The following PARD3B variants were observed in gnomAD, a reference collection of about 807,000 sequenced individuals.
PARD3B encodes par-3 family cell polarity regulator beta, also known as partitioning defective 3 homolog B.
PARD3B carries 103 observed loss-of-function variants against 130.2 expected under a neutral mutation model. The observed-to-expected ratio is 0.79, with a 90% confidence interval of 0.67 to 0.93. PARD3B has a LOEUF of 0.93. PARD3B is among the 40% of genes least tolerant of loss of function. PARD3B has a pLI of 0.00. For missense variants in PARD3B, 1,609 were observed against 1,499.2 expected, an observed-to-expected ratio of 1.07 and a Z score of -1.21; for synonymous variants, 583 against 553.2, an observed-to-expected ratio of 1.05 and a Z score of -0.76.
rs114435053 is a variant in PARD3B at position 205,320,931 on chromosome 2, G to A, written c.2630+19230G>A. 9.0e-3 allele frequency among the ~76,000 whole-genome samples: 1,371 copies of A among 152,300 alleles called. 5 individuals are homozygous for A. Among genetic ancestry groups the A allele is most frequent in the Non-Finnish European group, 0.015 (1,048 of 68,024 alleles). On this transcript the variant is annotated intron_variant, in intron 18 of 22. Coordinates refer to ENST00000406610, the MANE Select transcript of PARD3B (RefSeq NM_001302769.2). ...CCATTTCTGGTGTATAGGCACTAAA[G>A]AGAAGAATACTCTCTTAAATACATA... is the stretch of plus-strand genomic sequence containing the variant.
intron 7 of PARD3B, 44 bp downstream of exon 7, chr2:205,119,090 C>A: frequency 6.4e-7 from 1 of 1,568,572 alleles, no homozygotes. Context: ...TGATCCCTAG[C>A]ATGGTTATAA....
chr2:205,476,338 A>C (rs917882066), intron 20 of PARD3B, among the ~76,000 whole-genome samples: 5 of 152,178 alleles, frequency 3.3e-5, no homozygotes, highest in African/African-American at 9.7e-5. Flanking sequence ...AGAATGGTGA[A>C]GTTTCCTTTT....
At chr2:205,279,543 G>A (rs1383835631) in intron 16 of PARD3B, among the ~76,000 whole-genome samples, 1 of 152,152 alleles carries the variant, frequency 6.6e-6, no homozygotes, top group East Asian at 1.9e-4. Context: ...CTAAATGGAT[G>A]TCATACCATT....
At chr2:205,252,848 C>CT (rs1488638107) in intron 16 of PARD3B, among the ~76,000 whole-genome samples, 1 of 115,628 alleles carries the variant, frequency 8.6e-6, no homozygotes. Flanking sequence ...ACCCCCCCCC[C>CT]CCACCAAAAA....
chr2:205,470,067 G>A lies in PARD3B; in HGVS notation c.3044+29395G>A, dbSNP rs1257570699. Among the ~76,000 whole-genome samples, 2 of 152,206 alleles carry A rather than the reference G, an allele frequency of 1.3e-5. No individual in the cohort carries two copies. The highest frequency in any genetic ancestry group is 2.9e-5 in the Non-Finnish European group (2 of 68,050). On this transcript the variant is annotated intron_variant, in intron 20 of 22. Coordinates refer to ENST00000406610, the MANE Select transcript of PARD3B (RefSeq NM_001302769.2). This position sits in a 1 kb window ranked among gnomAD's most constrained non-coding sequence, Gnocchi z 4.8. ...CTTTCCATTGATGGAGATGTCAGGTGAGTCACTTAATGTCTGTGTGCATCT... is the reference window on the plus strand; with the variant it reads ...CTTTCCATTGATGGAGATGTCAGGTAAGTCACTTAATGTCTGTGTGCATCT...
intron 2 of PARD3B, among the ~76,000 whole-genome samples, chr2:204,898,225 G>A (rs527601502): frequency 4.0e-5 from 6 of 150,742 alleles, no homozygotes; most frequent in Non-Finnish European, 7.4e-5. Context: ...TATATTTATG[G>A]GGTACATGTT....
intron 3 of PARD3B, among the ~76,000 whole-genome samples, chr2:205,007,560 G>A (rs541009033): frequency 3.5e-4 from 54 of 152,158 alleles, no homozygotes; most frequent in South Asian, 1.9e-3. Flanking sequence ...TACCACTACC[G>A]TGCTGTTTTG....
At chr2:204,628,799 G>A (rs2034577384) in intron 1 of PARD3B, among the ~76,000 whole-genome samples, 2 of 152,212 alleles carry the variant, frequency 1.3e-5, no homozygotes, top group East Asian at 3.9e-4. Flanking sequence ...TCTGTAGATG[G>A]GAAATGAATG....
rs56654511 is a variant in PARD3B at position 205,331,782 on chromosome 2, C to CAAAAAAAAAAA, written c.2630+30094_2630+30104dup. Among the ~76,000 whole-genome samples the CAAAAAAAAAAA allele has an allele frequency of 2.4e-3, 115 of 48,332 alleles. 6 individuals carry two copies. The highest frequency in any genetic ancestry group is 4.9e-3 in the African/African-American group (46 of 9,296). The allele number at this position is 48,332 out of a possible 152,430, so 31.7% of individuals were successfully genotyped here. ...TGGGCGACAGAGTGAGACTCCGTCT[C>CAAAAAAAAAAA]AAAAAAAAAAAAAAAAAAAAAAAGA... is the stretch of plus-strand genomic sequence containing the variant. On this transcript the variant is annotated intron_variant, in intron 18 of 22. Coordinates refer to ENST00000406610, the MANE Select transcript of PARD3B (RefSeq NM_001302769.2).
chr2:205,338,816 CAGAG>C (rs2043411121), intron 18 of PARD3B, among the ~76,000 whole-genome samples: 1 of 152,162 alleles, frequency 6.6e-6, no homozygotes, highest in African/African-American at 2.4e-5. Flanking sequence ...CTTTGTGTCT[CAGAG>C]GACATGGGTT....
chr2:205,255,235 G>A (rs1056390134), intron 16 of PARD3B, among the ~76,000 whole-genome samples: 1 of 152,054 alleles, frequency 6.6e-6, no homozygotes, highest in African/African-American at 2.4e-5. Context: ...GTGTCTCTAG[G>A]TTCTATTCTT....
chr2:204,747,375 G>A (rs2040282751), intron 2 of PARD3B, among the ~76,000 whole-genome samples: 1 of 152,022 alleles, frequency 6.6e-6, no homozygotes, highest in African/African-American at 2.4e-5. Context: ...AACTTACAAG[G>A]GATGTGAAGG....
chr2:205,342,425 T>C (rs1370532233), intron 18 of PARD3B, among the ~76,000 whole-genome samples: 1 of 152,210 alleles, frequency 6.6e-6, no homozygotes, highest in African/African-American at 2.4e-5. Flanking sequence ...CAACATGAAG[T>C]ATGTTGAAGT....
chr2:205,521,278 G>T (rs527242562), intron 21 of PARD3B, among the ~76,000 whole-genome samples: 1 of 151,718 alleles, frequency 6.6e-6, no homozygotes, highest in Admixed American at 6.6e-5. Flanking sequence ...TAGGTTTATT[G>T]GCCATGTATA....
At chr2:205,018,326 A>T (rs1304201874) in intron 3 of PARD3B, among the ~76,000 whole-genome samples, 1 of 152,136 alleles carries the variant, frequency 6.6e-6, no homozygotes, top group Non-Finnish European at 1.5e-5. Flanking sequence ...ATTTACCTTT[A>T]GCATAATTGT....
At chr2:205,361,418 A>G (rs745965494) in intron 18 of PARD3B, among the ~76,000 whole-genome samples, 2 of 152,208 alleles carry the variant, frequency 1.3e-5, no homozygotes, top group Non-Finnish European at 2.9e-5. Context: ...ACTCTTCTGG[A>G]CAGTGCTGAG....
rs1406353442 is a variant in PARD3B, at chr2:205,341,176, C to T, written c.2630+39475C>T. On this transcript the variant is annotated intron_variant, in intron 18 of 22. Transcript: ENST00000406610. This position sits in a 1 kb window ranked among gnomAD's most constrained non-coding sequence, Gnocchi z 4.3. ...AAATTAGTAGAACCATTATGGGAAACAGTATAGTGGTTTAAAATCTATATT... is the reference window on the plus strand; with the variant it reads ...AAATTAGTAGAACCATTATGGGAAATAGTATAGTGGTTTAAAATCTATATT... 6.6e-6 allele frequency among the ~76,000 whole-genome samples: 1 copy of T among 152,072 alleles called. No homozygotes were observed. Among genetic ancestry groups the T allele is most frequent in the Non-Finnish European group, 1.5e-5 (1 of 67,976 alleles).
chr2:205,384,609 T>A (rs531947560), intron 18 of PARD3B, among the ~76,000 whole-genome samples: 2 of 152,176 alleles, frequency 1.3e-5, no homozygotes, highest in Admixed American at 1.3e-4. Flanking sequence ...GCTGTGTCTA[T>A]GTGCTCTCCA....
intron 2 of PARD3B, among the ~76,000 whole-genome samples, chr2:204,917,322 G>A (rs140335208): frequency 6.6e-6 from 1 of 152,328 alleles, no homozygotes; most frequent in East Asian, 1.9e-4. Context: ...AGGTTGTGCA[G>A]GGTAGAAGCT....
Sources: allele counts gnomAD v4.1 joint callset (sites outside exome capture counted in the v4.1 genomes callset), GRCh38; gene constraint gnomAD v4.1.1; non-coding constraint Gnocchi (gnomAD v3.1); transcripts MANE v1.5; gene names NCBI Gene and HGNC (gene_info 2026-07-23, HGNC 2026-07-21).